LRIG1: variants seen among roughly 807,000 people sequenced by gnomAD.
The protein encoded by LRIG1 is leucine-rich repeats and immunoglobulin-like domains protein 1.
In LRIG1, 48 loss-of-function variants were observed where a neutral mutation model predicts 99.2. The ratio of observed to expected loss-of-function variants is 0.48; its 90% CI spans 0.38 to 0.62. The LOEUF is 0.62. LRIG1 is among the 20% of genes least tolerant of loss of function. The probability of loss-of-function intolerance (pLI) is 0.00; values close to 1 mark genes in which losing one functional copy is unlikely to be tolerated. For missense variants in LRIG1, 1,646 were observed against 1,434.4 expected, an observed-to-expected ratio of 1.15 and a Z score of -2.38; for synonymous variants, 772 against 596.1, an observed-to-expected ratio of 1.29 and a Z score of -4.30.
At chr3:66,453,079 A>T (rs1183895100) in intron 2 of LRIG1, among the ~76,000 whole-genome samples, 1 of 152,206 alleles carries the variant, frequency 6.6e-6, no homozygotes, top group African/African-American at 2.4e-5. Flanking sequence ...TCACTCAGGG[A>T]CACTGAAAAC....
chr3:66,459,843 G>T (rs1296169620), intron 2 of LRIG1, among the ~76,000 whole-genome samples: 1 of 152,106 alleles, frequency 6.6e-6, no homozygotes, highest in Non-Finnish European at 1.5e-5. Flanking sequence ...AATTCATGAT[G>T]AACAAAATAT....
intron 12 of LRIG1, among the ~76,000 whole-genome samples, chr3:66,392,678 T>C (rs1701669508): frequency 6.6e-6 from 1 of 152,004 alleles, no homozygotes; most frequent in Admixed American, 6.6e-5. Context: ...ATCCAGAATA[T>C]GCCAGGGCCA....
At chr3:66,411,636 G>T (rs1702469382) in intron 6 of LRIG1, among the ~76,000 whole-genome samples, 1 of 152,192 alleles carries the variant, frequency 6.6e-6, no homozygotes. Flanking sequence ...TTATCAGAGT[G>T]ACACAGCACA....
At chr3:66,390,899 T>C (rs879902762) in intron 12 of LRIG1, among the ~76,000 whole-genome samples, 23 of 152,154 alleles carry the variant, frequency 1.5e-4, no homozygotes, top group African/African-American at 5.1e-4. Flanking sequence ...GGAGAAAATA[T>C]TGGCACAACA....
intron 12 of LRIG1, among the ~76,000 whole-genome samples, chr3:66,390,705 A>G (rs978258224): frequency 2.0e-5 from 3 of 152,228 alleles, no homozygotes. Flanking sequence ...CTAAGGTTAT[A>G]AAACTCTTAG....
At chr3:66,489,697 A>T (rs559158821) in intron 1 of LRIG1, among the ~76,000 whole-genome samples, 1 of 152,336 alleles carries the variant, frequency 6.6e-6, no homozygotes, top group East Asian at 1.9e-4. Flanking sequence ...GGGGTCTTAG[A>T]AATTATACAT....
At chr3:66,497,425 T>C (rs896044872) in intron 1 of LRIG1, among the ~76,000 whole-genome samples, 1 of 152,102 alleles carries the variant, frequency 6.6e-6, no homozygotes, top group African/African-American at 2.4e-5. Context: ...TCTGGGAAGT[T>C]GGAATAAGGC....
At chr3:66,408,424 A>G (rs1247610485) in intron 7 of LRIG1, among the ~76,000 whole-genome samples, 1 of 152,160 alleles carries the variant, frequency 6.6e-6, no homozygotes, top group African/African-American at 2.4e-5. Flanking sequence ...TCTGCCTCTG[A>G]GGTTACCTGG....
At chr3:66,447,632 T>G (rs1461570670) in intron 3 of LRIG1, among the ~76,000 whole-genome samples, 1 of 152,130 alleles carries the variant, frequency 6.6e-6, no homozygotes, top group African/African-American at 2.4e-5. Flanking sequence ...AGTTGTTAGG[T>G]AGACAAGGCC....
rs1217668388 is a variant in LRIG1 at position 66,378,980 on chromosome 3, GAAGT to G, written c.*1279_*1282del. 2 of 152,576 alleles carry G rather than the reference GAAGT, an allele frequency of 1.3e-5. No homozygotes were observed. Among genetic ancestry groups the G allele is most frequent in the Admixed American group, 6.5e-5 (1 of 15,284 alleles). 9.5% of individuals were successfully genotyped at this position (152,576 alleles called of 1,614,324 possible). On this transcript the variant is annotated 3_prime_UTR_variant, in exon 19 of 19. Transcript: ENST00000273261. ...AAGCAGCAAATTCACATATTTTGTG[GAAGT>G]AAGATTAGTCAGTTAACTGTCAAGA...
chr3:66,452,588 TCA>T (rs1485695979), intron 2 of LRIG1, among the ~76,000 whole-genome samples: 1 of 152,210 alleles, frequency 6.6e-6, no homozygotes, highest in Non-Finnish European at 1.5e-5. Context: ...GTTCTTATTC[TCA>T]GTTTTTTAAG....
intron 7 of LRIG1, among the ~76,000 whole-genome samples, chr3:66,408,539 G>A (rs1254856534): frequency 6.6e-6 from 1 of 152,140 alleles, no homozygotes; most frequent in East Asian, 1.9e-4. Context: ...AGCTAGAGAG[G>A]GGATCCCGGA....
Position 66,383,303 on chromosome 3 carries a change from T to A in LRIG1, c.2170A>T (p.Ile724Phe), listed in dbSNP as rs148042191. ...GGGCGGTCCCCCTTGAACCAGGTGA[T>A]GCGGGGCGGAGGGTTCCCCGTGGCT... ...CKATGNPPPR[I>F]TWFKGDRPLS... Residue 724 changes from isoleucine (I) to phenylalanine (F), a missense_variant, in exon 15 of 19, where the codon ATC becomes TTC. Coordinates refer to ENST00000273261, the MANE Select transcript of LRIG1 (RefSeq NM_015541.3). 1.2e-6 allele frequency: 2 copies of A among 1,609,656 alleles called. No homozygotes were observed. Among genetic ancestry groups the A allele is most frequent in the Non-Finnish European group, 1.7e-6 (2 of 1,176,324 alleles).
chr3:66,449,001 C>T (rs1703813863), intron 3 of LRIG1, among the ~76,000 whole-genome samples: 2 of 152,184 alleles, frequency 1.3e-5, no homozygotes, highest in Admixed American at 6.5e-5. Context: ...ATCAGCAAAA[C>T]CTGCTGTTCA....
chr3:66,470,240 C>T (rs1188568889), intron 1 of LRIG1, among the ~76,000 whole-genome samples: 10 of 152,176 alleles, frequency 6.6e-5, no homozygotes, highest in Non-Finnish European at 1.3e-4. Flanking sequence ...TATTCACCGG[C>T]AGTATCTTCC....
At chr3:66,423,191 A>G (rs1278312452) in intron 3 of LRIG1, among the ~76,000 whole-genome samples, 1 of 152,260 alleles carries the variant, frequency 6.6e-6, no homozygotes, top group African/African-American at 2.4e-5. Flanking sequence ...TGCACAACAT[A>G]AATGCATTTA....
chr3:66,410,203 C>CTGA lies in LRIG1; in HGVS notation c.858_860dup (p.His286dup), dbSNP rs760535259. 1 of 1,614,156 alleles carries CTGA rather than the reference C, an allele frequency of 6.2e-7. No homozygotes were observed. The highest frequency in any genetic ancestry group is 1.1e-5 in the South Asian group (1 of 91,082). On this transcript the variant is annotated inframe_insertion, in exon 7 of 19. Transcript: ENST00000273261. ...CGATGGAATTGTTGCTGAGGTGGAG[C>CTGA]TGATGCAGGGCCGTGAGGCCGTAGA...
chr3:66,386,548 A>G, intron 12 of LRIG1: 1 of 449,952 alleles, frequency 2.2e-6, no homozygotes, highest in Non-Finnish European at 4.0e-6. Context: ...AAATTAACCC[A>G]CCACTTCTCA....
At chr3:66,407,594 GAC>G in intron 7 of LRIG1, 103 bp from the exon 8 acceptor site, 2 of 1,350,426 alleles carry the variant, frequency 1.5e-6, no homozygotes, top group Admixed American at 3.6e-5. Context: ...AGTGGGAAAT[GAC>G]ACAGATGCAC....
Sources: allele counts gnomAD v4.1 joint callset (sites outside exome capture counted in the v4.1 genomes callset), GRCh38; gene constraint gnomAD v4.1.1; transcripts MANE v1.5; gene names NCBI Gene and HGNC (gene_info 2026-07-23, HGNC 2026-07-21).